The following PRELID2 variants were observed in gnomAD, a reference collection of about 807,000 sequenced individuals.
The protein encoded by PRELID2 is PRELI domain containing 2.
Under a neutral mutation model 28.4 loss-of-function variants are expected in PRELID2, and 25 were observed. That is an observed-to-expected ratio of 0.88 (90% CI 0.64 to 1.23). The LOEUF (loss-of-function observed/expected upper bound fraction) is 1.23, where lower values mean the gene tolerates loss of function less well. PRELID2 is among the 50% of genes most tolerant of loss of function. The pLI, the probability that PRELID2 is intolerant of heterozygous loss-of-function variation, is 0.00. For synonymous variants in PRELID2, 76 were observed against 71.6 expected (o/e 1.06, Z -0.31); for missense variants, 201 against 214.4 (o/e 0.94, Z 0.39).
At chr5:145,672,593 C>G (rs1754730933) in intron 1 of PRELID2, among the ~76,000 whole-genome samples, 2 of 151,236 alleles carry the variant, frequency 1.3e-5, no homozygotes, top group South Asian at 2.1e-4. Flanking sequence ...CATCATGTAA[C>G]AGAAAATGTG....
the PRELID2 span, among the ~76,000 whole-genome samples, chr5:145,231,729 G>A: frequency 6.6e-6 from 1 of 152,046 alleles, no homozygotes; most frequent in African/African-American, 2.4e-5. Context: ...TGAAATCAGT[G>A]TATTGATGTC....
At chr5:145,378,544 ACT>A in the PRELID2 span, among the ~76,000 whole-genome samples, 1 of 151,928 alleles carries the variant, frequency 6.6e-6, no homozygotes, top group Non-Finnish European at 1.5e-5. Flanking sequence ...CAGTATTCAA[ACT>A]CTGAGATTCT....
chr5:145,835,156 A>C lies in PRELID2; in HGVS notation c.75+21T>G, dbSNP rs751478729. 89 of 1,526,564 alleles carry C rather than the reference A, an allele frequency of 5.8e-5. 2 individuals are homozygous for C. The South Asian group carries it at 8.7e-4, about 15-fold the overall frequency. The allele number at this position is 1,526,564 out of a possible 1,614,324, so 94.6% of individuals were successfully genotyped here. On this transcript the variant is annotated intron_variant, in intron 1 of 6. Coordinates refer to ENST00000683046, the MANE Select transcript of PRELID2 (RefSeq NM_205846.3). Reference sequence around the variant, plus strand: ...GCAGCGGAGGCAGCGCGGGATACGGAAGGTGGAAGCGGGGCGGTACCTTTC... The same window carrying C: ...GCAGCGGAGGCAGCGCGGGATACGGCAGGTGGAAGCGGGGCGGTACCTTTC...
At chr5:145,658,412 T>C (rs1754432290) in intron 1 of PRELID2, among the ~76,000 whole-genome samples, 1 of 152,194 alleles carries the variant, frequency 6.6e-6, no homozygotes, top group African/African-American at 2.4e-5. Flanking sequence ...TGGATGTGTG[T>C]CCCTCCAAAT....
intron 1 of PRELID2, among the ~76,000 whole-genome samples, chr5:145,520,165 T>C (rs1752551968): frequency 1.3e-5 from 2 of 152,174 alleles, no homozygotes; most frequent in South Asian, 2.1e-4. Flanking sequence ...ACCAAGACTA[T>C]GTTATTTTGT....
the PRELID2 span, among the ~76,000 whole-genome samples, chr5:145,375,815 G>T: frequency 6.6e-6 from 1 of 152,226 alleles, no homozygotes; most frequent in South Asian, 2.1e-4. Context: ...AAGCCATCCA[G>T]CCCCTTGGCT....
intron 1 of PRELID2, among the ~76,000 whole-genome samples, chr5:145,573,437 C>T (rs982603267): frequency 2.6e-5 from 4 of 151,884 alleles, no homozygotes; most frequent in African/African-American, 7.3e-5. Flanking sequence ...CCTATCAACC[C>T]GTCATCTACC....
At chr5:145,446,730 A>G in the PRELID2 span, among the ~76,000 whole-genome samples, 4 of 152,090 alleles carry the variant, frequency 2.6e-5, no homozygotes, top group Non-Finnish European at 4.4e-5. Flanking sequence ...AAATACAGCA[A>G]GAGGAACAGA....
chr5:145,523,440 G>A (rs1752580418), intron 1 of PRELID2, among the ~76,000 whole-genome samples: 1 of 152,134 alleles, frequency 6.6e-6, no homozygotes, highest in Admixed American at 6.5e-5. Flanking sequence ...ATTAGCTCAG[G>A]CCACTGTAAC....
chr5:145,509,630 G>T (rs1279438605), intron 1 of PRELID2, among the ~76,000 whole-genome samples: 1 of 152,204 alleles, frequency 6.6e-6, no homozygotes, highest in Non-Finnish European at 1.5e-5. Context: ...TCATTACTGT[G>T]TTGATAATTT....
the PRELID2 span, among the ~76,000 whole-genome samples, chr5:145,413,895 T>C: frequency 6.6e-6 from 1 of 152,178 alleles, no homozygotes; most frequent in East Asian, 1.9e-4. Context: ...TAAGACTGAA[T>C]CATATTTTAT....
the PRELID2 span, among the ~76,000 whole-genome samples, chr5:145,391,450 G>C: frequency 5.9e-5 from 9 of 152,202 alleles, no homozygotes; most frequent in African/African-American, 1.9e-4. Flanking sequence ...GAGCAGAGAG[G>C]CCCGTGGCCT....
intron 1 of PRELID2, among the ~76,000 whole-genome samples, chr5:145,627,027 G>A (rs1023565647): frequency 3.5e-5 from 5 of 142,806 alleles, no homozygotes; most frequent in Admixed American, 7.5e-5. Context: ...TCAAACCCGG[G>A]AGGCAGAGGT....
At chr5:145,582,169 A>C (rs944539251) in intron 1 of PRELID2, among the ~76,000 whole-genome samples, 2 of 152,028 alleles carry the variant, frequency 1.3e-5, no homozygotes, top group African/African-American at 4.8e-5. Context: ...GGACTTATAC[A>C]AGTCCCTTCT....
chr5:145,536,432 G>A (rs1443050553), intron 1 of PRELID2, among the ~76,000 whole-genome samples: 2 of 151,848 alleles, frequency 1.3e-5, no homozygotes, highest in African/African-American at 4.8e-5. Flanking sequence ...ATCATTTCAC[G>A]GACTTTGTAC....
At position 145,576,565 on chromosome 5, in the gene PRELID2, G is replaced by A. The variant is rs1329365414; in HGVS notation, n.71-103250C>T. 2.6e-5 allele frequency among the ~76,000 whole-genome samples: 4 copies of A among 151,940 alleles called. 1 individual carries two copies. The South Asian group carries it at 8.3e-4, about 32-fold the overall frequency. ...ATATGGCAGAATAGAACTCTCCAGG[G>A]ATTGCCTCCTACAGAAACATCAACT... On this transcript the variant is annotated intron_variant and non_coding_transcript_variant, in intron 1 of 2. Transcript: ENST00000510259.
the PRELID2 span, among the ~76,000 whole-genome samples, chr5:145,448,750 G>T: frequency 6.3e-3 from 965 of 152,156 alleles, 8 homozygotes; most frequent in East Asian, 0.044. Flanking sequence ...ATCTGTAATT[G>T]GGAAAATAAT....
chr5:145,687,583 C>A (rs747346940), intron 1 of PRELID2, among the ~76,000 whole-genome samples: 10 of 152,174 alleles, frequency 6.6e-5, no homozygotes, highest in Admixed American at 2.0e-4. Context: ...AATTGTCATT[C>A]TTTTGTTTAT....
chr5:145,407,597 A>G, the PRELID2 span, among the ~76,000 whole-genome samples: 1 of 152,198 alleles, frequency 6.6e-6, no homozygotes, highest in Non-Finnish European at 1.5e-5. Flanking sequence ...AAAAAACCCC[A>G]GTACTTTTCT....
Sources: gnomAD v4.1 joint callset for allele counts (sites outside exome capture counted in the v4.1 genomes callset) on GRCh38, gnomAD v4.1.1 for gene constraint, MANE v1.5 for transcripts, NCBI Gene and HGNC (gene_info 2026-07-23, HGNC 2026-07-21) for gene names.